FGF14: variants seen among roughly 807,000 people sequenced by gnomAD.
FGF14 encodes the protein fibroblast growth factor 14.
Under a neutral mutation model 25.5 loss-of-function variants are expected in FGF14, and 5 were observed. The observed-to-expected ratio is 0.20, with a 90% CI of 0.10 to 0.41. FGF14 has a LOEUF of 0.41. Ranked by LOEUF, FGF14 falls within the 10% of genes least tolerant of loss-of-function variation. The pLI, the probability that FGF14 is intolerant of heterozygous loss-of-function variation, is 1.00. For missense variants in FGF14, 222 were observed against 320.1 expected, an observed-to-expected ratio of 0.69 and a Z score of 2.34; for synonymous variants, 138 against 118.3, an observed-to-expected ratio of 1.17 and a Z score of -1.08.
At chr13:102,046,155 CT>C (rs1290712224) in intron 1 of FGF14, among the ~76,000 whole-genome samples, 1 of 152,128 alleles carries the variant, frequency 6.6e-6, no homozygotes, top group Non-Finnish European at 1.5e-5. Context: ...ACCCAACCCC[CT>C]AACTCCTTTT....
intron 1 of FGF14, among the ~76,000 whole-genome samples, chr13:102,304,497 A>C (rs112619267): frequency 9.1e-4 from 139 of 152,288 alleles, no homozygotes; most frequent in Non-Finnish European, 1.6e-3. Flanking sequence ...GATAGGCTTA[A>C]GAAGTAAGAA....
At chr13:102,198,166 A>T (rs2049450674) in intron 1 of FGF14, among the ~76,000 whole-genome samples, 1 of 152,162 alleles carries the variant, frequency 6.6e-6, no homozygotes, top group South Asian at 2.1e-4. Context: ...TAGATGTTGC[A>T]GTGGCAGCCT....
chr13:101,876,611 G>A (rs2045408387), intron 1 of FGF14, among the ~76,000 whole-genome samples: 1 of 152,086 alleles, frequency 6.6e-6, no homozygotes, highest in African/African-American at 2.4e-5. Flanking sequence ...AATCCTTTTG[G>A]AAAATAATGC....
intron 1 of FGF14, among the ~76,000 whole-genome samples, chr13:102,316,386 C>T (rs935089255): frequency 6.6e-5 from 10 of 152,136 alleles, no homozygotes; most frequent in African/African-American, 1.2e-4. Flanking sequence ...TATGTTAATT[C>T]GCTCGCCTGA....
chr13:102,060,710 G>C (rs1460941286), intron 1 of FGF14, among the ~76,000 whole-genome samples: 1 of 152,154 alleles, frequency 6.6e-6, no homozygotes, highest in Non-Finnish European at 1.5e-5. Context: ...AGTTGGGGGA[G>C]CAGGGAAGTG....
chr13:102,126,381 T>G (rs1566719029), intron 1 of FGF14, among the ~76,000 whole-genome samples: 1 of 152,348 alleles, frequency 6.6e-6, no homozygotes, highest in East Asian at 1.9e-4. Flanking sequence ...TCATTCATGT[T>G]GTAGAACTTC....
At chr13:102,200,624 T>G (rs1275850454) in intron 1 of FGF14, among the ~76,000 whole-genome samples, 1 of 151,952 alleles carries the variant, frequency 6.6e-6, no homozygotes, top group East Asian at 1.9e-4. Flanking sequence ...TGATTGTTTT[T>G]TTTTTTTTTC....
chr13:102,132,452 T>C lies in FGF14; in HGVS notation c.209-257156A>G, dbSNP rs113888238. Among the ~76,000 whole-genome samples the C allele has an allele frequency of 8.9e-4, 135 of 152,158 alleles. 2 individuals carry two copies. Among genetic ancestry groups the C allele is most frequent in the Middle Eastern group, 3.4e-3 (1 of 294 alleles). Reference sequence around the variant, plus strand: ...GGACATACAGAATCTAGCAATGTCATGTGAAAGTCATAGGCAGTTTTCTGT... The same window carrying C: ...GGACATACAGAATCTAGCAATGTCACGTGAAAGTCATAGGCAGTTTTCTGT... On this transcript the variant is annotated intron_variant, in intron 1 of 4. Transcript: ENST00000376131.
chr13:101,854,184 G>T (rs1322707), intron 3 of FGF14, among the ~76,000 whole-genome samples: 38,494 of 151,978 alleles, frequency 0.25, 6,163 homozygotes, highest in South Asian at 0.37. Context: ...TCATGTGTTT[G>T]GATGGAATCT....
chr13:102,034,184 C>T (rs956762106), intron 1 of FGF14, among the ~76,000 whole-genome samples: 2 of 151,962 alleles, frequency 1.3e-5, no homozygotes, highest in Admixed American at 6.6e-5. Context: ...GAGACTGTAC[C>T]CTCCAGAAGC....
chr13:101,763,863 A>AAAACAAACAAAC (rs555541607), intron 3 of FGF14, among the ~76,000 whole-genome samples: 111 of 152,106 alleles, frequency 7.3e-4, no homozygotes, highest in African/African-American at 2.6e-3. Flanking sequence ...TCTGTCTCAA[A>AAAACAAACAAAC]AAACAAACAA....
At chr13:101,838,882 T>C (rs1281418885) in intron 3 of FGF14, among the ~76,000 whole-genome samples, 1 of 152,088 alleles carries the variant, frequency 6.6e-6, no homozygotes, top group African/African-American at 2.4e-5. Flanking sequence ...GCTTGTATTT[T>C]CCACTTCTTT....
chr13:101,944,969 T>C (rs972657583), intron 1 of FGF14, among the ~76,000 whole-genome samples: 5 of 152,176 alleles, frequency 3.3e-5, no homozygotes, highest in Admixed American at 2.6e-4. Context: ...TGAATGGCTG[T>C]GATGGTTGCA....
intron 1 of FGF14, among the ~76,000 whole-genome samples, chr13:101,989,367 T>C (rs9518609): frequency 2.7e-3 from 409 of 152,254 alleles, no homozygotes; most frequent in Non-Finnish European, 3.9e-3. Flanking sequence ...CAATTATCCA[T>C]GAGTTTTTAG....
At chr13:102,368,610 C>G (rs1171867301) in intron 1 of FGF14, among the ~76,000 whole-genome samples, 1 of 152,108 alleles carries the variant, frequency 6.6e-6, no homozygotes, top group Non-Finnish European at 1.5e-5. Context: ...ACATTGCCTA[C>G]TTAAGACATT....
At chr13:102,149,982 T>C (rs927217370) in intron 1 of FGF14, among the ~76,000 whole-genome samples, 2 of 152,170 alleles carry the variant, frequency 1.3e-5, no homozygotes, top group African/African-American at 4.8e-5. Context: ...CATTATATAT[T>C]TATATATATG....
chr13:102,360,037 A>G (rs2057523562), intron 1 of FGF14, among the ~76,000 whole-genome samples: 1 of 152,178 alleles, frequency 6.6e-6, no homozygotes, highest in Non-Finnish European at 1.5e-5. Flanking sequence ...ACAAAGCTAA[A>G]GAGCTATAAA....
At position 102,275,242 on chromosome 13, in the gene FGF14, CTCTCTCTCTCTCTCTCTCTT is replaced by C. The variant is rs1292885607; in HGVS notation, c.208+126209_208+126228del. ...ACTGAGATTAGGCAGATTTCTCTCT[CTCTCTCTCTCTCTCTCTCTT>C]TCTCTCTCTCTCTCTCTCTCTCTCT... On this transcript the variant is annotated intron_variant, in intron 1 of 4. Coordinates refer to the FGF14 transcript ENST00000376131. 5.0e-3 allele frequency among the ~76,000 whole-genome samples: 481 copies of C among 96,366 alleles called. 4 individuals carry two copies. Among genetic ancestry groups the C allele is most frequent in the South Asian group, 0.029 (88 of 3,010 alleles). 63.2% of individuals were successfully genotyped at this position (96,366 alleles called of 152,430 possible).
intron 1 of FGF14, among the ~76,000 whole-genome samples, chr13:102,161,896 T>C (rs1201073034): frequency 6.6e-6 from 1 of 151,918 alleles, no homozygotes; most frequent in Non-Finnish European, 1.5e-5. Flanking sequence ...AAATTTAATC[T>C]CTTTATCAAG....
Sources: allele counts gnomAD v4.1 joint callset (sites outside exome capture counted in the v4.1 genomes callset), GRCh38; gene constraint gnomAD v4.1.1; transcripts MANE v1.5; gene names NCBI Gene and HGNC (gene_info 2026-07-23, HGNC 2026-07-21).